RAD21L1: variants seen among roughly 807,000 people sequenced by gnomAD.
RAD21L1 encodes double-strand-break repair protein rad21-like protein 1.
A neutral mutation model predicts 69.0 loss-of-function variants in RAD21L1; 47 were observed. The ratio of observed to expected loss-of-function variants is 0.68; its 90% confidence interval spans 0.54 to 0.87. The LOEUF is 0.87. Ranked by LOEUF, RAD21L1 falls within the 40% of genes least tolerant of loss-of-function variation. The pLI is 0.00. For synonymous variants in RAD21L1, 177 were observed against 205.8 expected, an observed-to-expected ratio of 0.86 and a Z score of 1.20; for missense variants, 583 against 647.6, an observed-to-expected ratio of 0.90 and a Z score of 1.08.
Position 1,246,905 on chromosome 20 carries a change from A to T in RAD21L1, c.1401+600A>T, listed in dbSNP as rs2087728646. ...ATACTGAAAACATTTTTAAGATTGT[A>T]AGGAATTTTAGTAAAAGTTTTTTAG... On this transcript the variant is annotated intron_variant, in intron 12 of 13. Transcript: ENST00000683101. The surrounding 1 kb of genome is among the most constrained non-coding windows in gnomAD (Gnocchi z 4.6). 6.6e-6 allele frequency among the ~76,000 whole-genome samples: 1 copy of T among 152,198 alleles called. No homozygotes were observed. The highest frequency in any genetic ancestry group is 6.5e-5 in the Admixed American group (1 of 15,268).
intron 8 of RAD21L1, among the ~76,000 whole-genome samples, chr20:1,241,060 T>C (rs1479409180): frequency 2.0e-5 from 3 of 152,234 alleles, no homozygotes; most frequent in Non-Finnish European, 4.4e-5. Flanking sequence ...GGGGCTCATT[T>C]GTCCTGTACC....
At position 1,238,071 on chromosome 20, in the gene RAD21L1, A is replaced by G. The variant is rs987645724; in HGVS notation, c.503A>G (p.His168Arg). ...FGEESEILRRHSFFDDNILLN... is the reference protein window; with the variant it reads ...FGEESEILRRRSFFDDNILLN... ...GAGGAATCTGAAATTCTCAGAAGAC[A>G]TAGCTTCTTTGATGACAACATATTA... Residue 168 changes from histidine to arginine, a missense_variant, in exon 6 of 14, where the codon CAT becomes CGT. His to Arg is a conservative substitution (Grantham distance 29). Transcript: ENST00000683101. 57 of 1,525,504 alleles carry G rather than the reference A, an allele frequency of 3.7e-5. No individual in the cohort carries two copies. In the Middle Eastern group the frequency reaches 5.1e-4, roughly 14 times the overall value. The allele number at this position is 1,525,504 out of a possible 1,614,324, so 94.5% of individuals were successfully genotyped here.
At chr20:1,226,511 T>A (rs2087263234) in intron 1 of RAD21L1, 1 of 152,460 alleles carries the variant, frequency 6.6e-6, no homozygotes, top group Non-Finnish European at 1.5e-5. Flanking sequence ...TGCTTTCCCC[T>A]CCCTCACGCC....
At position 1,229,811 on chromosome 20, in the gene RAD21L1, G is replaced by T. The variant is rs148549307; in HGVS notation, c.145-69G>T. 50 of 1,197,236 alleles carry T rather than the reference G, an allele frequency of 4.2e-5. No homozygotes were observed. The East Asian group carries it at 1.3e-3, about 30-fold the overall frequency. The allele number at this position is 1,197,236 out of a possible 1,614,324, so 74.2% of individuals were successfully genotyped here. On this transcript the variant is annotated intron_variant, in intron 2 of 13. Coordinates refer to ENST00000683101, the MANE Select transcript of RAD21L1 (RefSeq NM_001384355.1). ...AAGAGAACCAATTCTTACGATGTCAGTAACTTTCAAAGAATAGGATTTATG... is the reference window on the plus strand; with the variant it reads ...AAGAGAACCAATTCTTACGATGTCATTAACTTTCAAAGAATAGGATTTATG...
In RAD21L1 at chr20:1,255,217, G is replaced by T. The variant is rs960344818; in HGVS notation, c.*760G>T. 5.3e-5 allele frequency among the ~76,000 whole-genome samples: 8 copies of T among 152,016 alleles called. No individual in the cohort carries two copies. Among genetic ancestry groups the T allele is most frequent in the Non-Finnish European group, 1.2e-4 (8 of 68,022 alleles). ...TGATTATTATAATCACCATTAATGT[G>T]TCAGCAAAACTAAATCTGCTTCTTA... On this transcript the variant is annotated 3_prime_UTR_variant, in exon 14 of 14. Transcript: ENST00000683101.
intron 7 of RAD21L1, among the ~76,000 whole-genome samples, chr20:1,239,940 A>G: frequency 6.6e-6 from 1 of 152,212 alleles, no homozygotes; most frequent in East Asian, 1.9e-4. Flanking sequence ...AATTTTACTT[A>G]TGGTTTTTTA....
chr20:1,227,933 A>G (rs922644530), intron 1 of RAD21L1, among the ~76,000 whole-genome samples: 1 of 152,202 alleles, frequency 6.6e-6, no homozygotes, highest in African/African-American at 2.4e-5. Context: ...AAACCAGAGT[A>G]TCTTGAAGAG....
intron 1 of RAD21L1, among the ~76,000 whole-genome samples, chr20:1,227,833 A>G (rs539649574): frequency 2.0e-5 from 3 of 151,552 alleles, no homozygotes; most frequent in Non-Finnish European, 2.9e-5. Context: ...TGTTTTCTTC[A>G]TTTTTCCACT....
At position 1,242,864 on chromosome 20, in the gene RAD21L1, C is replaced by A. The variant is rs1219363134; in HGVS notation, c.1083+19C>A. On this transcript the variant is annotated intron_variant, in intron 9 of 13. Transcript: ENST00000683101. ...GAAAATGGTAACGGTTCCTACCCTT[C>A]TACATGTGAGCAATGTCTGGTTATA... 6.2e-6 allele frequency: 9 copies of A among 1,454,260 alleles called. No homozygotes were observed. The highest frequency in any genetic ancestry group is 8.5e-6 in the Non-Finnish European group (9 of 1,058,520). 90.1% of individuals were successfully genotyped at this position (1,454,260 alleles called of 1,614,324 possible). A position where few individuals can be genotyped will look rare whatever the true frequency, so the allele number is the denominator to read the frequency against.
chr20:1,249,999 TC>T, intron 13 of RAD21L1, among the ~76,000 whole-genome samples: 1 of 129,728 alleles, frequency 7.7e-6, no homozygotes, highest in Non-Finnish European at 1.7e-5. Context: ...ATGCTATCCC[TC>T]CCCCCTCCCC....
chr20:1,249,370 A>G (rs1380395188), intron 13 of RAD21L1, among the ~76,000 whole-genome samples: 1 of 152,184 alleles, frequency 6.6e-6, no homozygotes, highest in Non-Finnish European at 1.5e-5. Flanking sequence ...TATATTTGTA[A>G]TAGTTATGAT....
chr20:1,244,837 C>A (rs2087688110), intron 11 of RAD21L1, among the ~76,000 whole-genome samples: 1 of 152,016 alleles, frequency 6.6e-6, no homozygotes, highest in Admixed American at 6.6e-5. Context: ...ATTTTGATAA[C>A]CACTCAGGGA....
chr20:1,232,566 A>G (rs1423450353), intron 4 of RAD21L1, among the ~76,000 whole-genome samples: 1 of 152,234 alleles, frequency 6.6e-6, no homozygotes, highest in Non-Finnish European at 1.5e-5. Context: ...GATGAATTGC[A>G]TATAGCTTTA....
intron 2 of RAD21L1, among the ~76,000 whole-genome samples, chr20:1,228,829 A>G (rs2087322710): frequency 6.6e-6 from 1 of 152,232 alleles, no homozygotes; most frequent in African/African-American, 2.4e-5. Context: ...GACAAAGGCC[A>G]TATTTTATGC....
chr20:1,228,130 G>A (rs1243927612), intron 1 of RAD21L1, among the ~76,000 whole-genome samples: 1 of 152,082 alleles, frequency 6.6e-6, no homozygotes, highest in African/African-American at 2.4e-5. Flanking sequence ...AGTAAGAAGA[G>A]AACTCAAATC....
At chr20:1,230,725 T>G (rs2087372655) in intron 3 of RAD21L1, 3 of 552,420 alleles carry the variant, frequency 5.4e-6, no homozygotes, top group Non-Finnish European at 6.9e-6. Flanking sequence ...TTTTTTAATC[T>G]TCTTCATTTA....
At chr20:1,236,605 GT>G (rs2087499612) in intron 5 of RAD21L1, among the ~76,000 whole-genome samples, 1 of 152,156 alleles carries the variant, frequency 6.6e-6, no homozygotes, top group Admixed American at 6.5e-5. Context: ...TTGATTTCCT[GT>G]GTGACACTGG....
At chr20:1,252,771 G>C (rs143931459) in intron 13 of RAD21L1, among the ~76,000 whole-genome samples, 15 of 151,306 alleles carry the variant, frequency 9.9e-5, no homozygotes, top group African/African-American at 3.6e-4. Flanking sequence ...CCTAGGTACT[G>C]TGTCTCACTC....
chr20:1,254,091 C>G (rs453311), intron 13 of RAD21L1, among the ~76,000 whole-genome samples, 178 bp from the exon 14 acceptor site: 1,829 of 152,304 alleles, frequency 0.012, 35 homozygotes, highest in African/African-American at 0.042. Context: ...AGCTTGTGTA[C>G]AGTAACTTGT....
Sources: gnomAD v4.1 joint callset for allele counts (sites outside exome capture counted in the v4.1 genomes callset) on GRCh38, gnomAD v4.1.1 for gene constraint, Gnocchi (gnomAD v3.1) non-coding constraint, MANE v1.5 for transcripts, NCBI Gene and HGNC (gene_info 2026-07-23, HGNC 2026-07-21) for gene names.